CNTNAP5: variants seen among roughly 807,000 people sequenced by gnomAD.
The protein encoded by CNTNAP5 is contactin-associated protein-like 5.
CNTNAP5 carries 72 observed loss-of-function variants against 150.2 expected under a neutral mutation model. The observed-to-expected ratio is 0.48, with a 90% CI of 0.40 to 0.58. The LOEUF is 0.58. Ranked by LOEUF, CNTNAP5 falls within the 20% of genes least tolerant of loss-of-function variation. The probability of loss-of-function intolerance (pLI) is 0.00; values close to 1 mark genes in which losing one functional copy is unlikely to be tolerated. For synonymous variants in CNTNAP5, 672 were observed against 619.8 expected (o/e 1.08, Z -1.25); for missense variants, 1,636 against 1,626.2 (o/e 1.01, Z -0.10).
rs1448342066 is a variant in CNTNAP5, at chr2:124,242,290, C to T, written c.278C>T (p.Thr93Met). 18 of 1,611,916 alleles carry T rather than the reference C, an allele frequency of 1.1e-5. No individual in the cohort carries two copies. Among genetic ancestry groups the T allele is most frequent in the Admixed American group, 1.7e-5 (1 of 59,698 alleles). The change falls in exon 3 of 24, where the codon ACG becomes ATG. Residue 93 changes from threonine to methionine, a missense_variant. By Grantham distance (81) the Thr-to-Met change is moderately conservative. Transcript: ENST00000682447. The part of the protein sequence containing the change: ...GNRVEITAVA[T>M]QGRYGSSDWV... ...AGAGTAGAGATTACAGCAGTGGCCA[C>T]GCAGGGAAGATACGGAAGCTCTGAC...
At chr2:124,360,199 C>T (rs1690156666) in intron 3 of CNTNAP5, among the ~76,000 whole-genome samples, 1 of 126,156 alleles carries the variant, frequency 7.9e-6, no homozygotes, top group African/African-American at 2.8e-5. Flanking sequence ...CTATGTGTGT[C>T]TCTGTACGTG....
At chr2:124,098,741 A>C (rs1682997186) in intron 1 of CNTNAP5, among the ~76,000 whole-genome samples, 1 of 152,080 alleles carries the variant, frequency 6.6e-6, no homozygotes, top group Non-Finnish European at 1.5e-5. Flanking sequence ...ACAAACAAAC[A>C]AACAAACAAC....
intron 19 of CNTNAP5, among the ~76,000 whole-genome samples, chr2:124,815,455 A>G (rs1253782469): frequency 1.1e-4 from 17 of 152,198 alleles, no homozygotes; most frequent in Admixed American, 1.1e-3. Flanking sequence ...AGGCAGAGGC[A>G]ATAAATCAAG....
intron 13 of CNTNAP5, among the ~76,000 whole-genome samples, chr2:124,676,173 G>A (rs991528454): frequency 1.3e-5 from 2 of 152,134 alleles, no homozygotes; most frequent in South Asian, 4.1e-4. Flanking sequence ...AGTCTTTCAG[G>A]CTTTGCTGAG....
intron 1 of CNTNAP5, among the ~76,000 whole-genome samples, chr2:124,097,698 G>T (rs1310077023): frequency 6.6e-6 from 1 of 152,120 alleles, no homozygotes; most frequent in Non-Finnish European, 1.5e-5. Flanking sequence ...GCAGGGTTTG[G>T]GGGACTGCCC....
intron 1 of CNTNAP5, among the ~76,000 whole-genome samples, chr2:124,030,027 T>C (rs1405404506): frequency 6.6e-6 from 1 of 152,152 alleles, no homozygotes; most frequent in Non-Finnish European, 1.5e-5. Flanking sequence ...GGTTTCTTCA[T>C]TCATCAAAAC....
intron 10 of CNTNAP5, among the ~76,000 whole-genome samples, chr2:124,540,666 TA>T (rs1695358854): frequency 6.8e-6 from 1 of 146,024 alleles, no homozygotes; most frequent in South Asian, 2.2e-4. Flanking sequence ...TGCTTTTTTT[TA>T]GTATTATGAA....
intron 1 of CNTNAP5, among the ~76,000 whole-genome samples, chr2:124,127,130 G>T (rs892783939): frequency 6.6e-6 from 1 of 152,142 alleles, no homozygotes; most frequent in African/African-American, 2.4e-5. Flanking sequence ...GTCCCTGTTT[G>T]CAGATGACAT....
chr2:124,549,769 A>G (rs1300754765), intron 10 of CNTNAP5, among the ~76,000 whole-genome samples: 2 of 152,236 alleles, frequency 1.3e-5, no homozygotes, highest in Non-Finnish European at 2.9e-5. Context: ...TAAAAAAGTA[A>G]AAGCCAGATA....
At chr2:124,186,309 A>G (rs1437217517) in intron 1 of CNTNAP5, among the ~76,000 whole-genome samples, 1 of 152,252 alleles carries the variant, frequency 6.6e-6, no homozygotes, top group Non-Finnish European at 1.5e-5. Context: ...ATTACTGTAA[A>G]TATGCTTATC....
intron 7 of CNTNAP5, among the ~76,000 whole-genome samples, chr2:124,475,947 C>A (rs1693629759): frequency 1.3e-5 from 2 of 151,708 alleles, no homozygotes; most frequent in Admixed American, 1.3e-4. Context: ...TTTAAAAATT[C>A]TCTATTTTCT....
At chr2:124,475,593 T>G (rs1446013575) in intron 7 of CNTNAP5, among the ~76,000 whole-genome samples, 1 of 152,236 alleles carries the variant, frequency 6.6e-6, no homozygotes, top group Non-Finnish European at 1.5e-5. Flanking sequence ...ACATACACAT[T>G]TAGTATGCTA....
chr2:124,390,047 G>A (rs939497447), intron 3 of CNTNAP5, among the ~76,000 whole-genome samples: 1 of 151,930 alleles, frequency 6.6e-6, no homozygotes, highest in African/African-American at 2.4e-5. Flanking sequence ...ATGTTTGTCA[G>A]CTCAGAGTCT....
intron 3 of CNTNAP5, among the ~76,000 whole-genome samples, chr2:124,288,067 C>T (rs1207268952): frequency 1.3e-5 from 2 of 152,116 alleles, no homozygotes; most frequent in Non-Finnish European, 2.9e-5. Flanking sequence ...GTAGCTGGAA[C>T]TACAGGCTTC....
chr2:124,411,609 C>G (rs1281133203), intron 3 of CNTNAP5, among the ~76,000 whole-genome samples: 2 of 124,978 alleles, frequency 1.6e-5, no homozygotes, highest in East Asian at 2.1e-4. Context: ...AGCATATAAA[C>G]AGAGCCAAAG....
At chr2:124,203,794 C>T (rs1205065423) in intron 1 of CNTNAP5, among the ~76,000 whole-genome samples, 1 of 152,178 alleles carries the variant, frequency 6.6e-6, no homozygotes, top group African/African-American at 2.4e-5. Flanking sequence ...AGCAGCAAGG[C>T]CCTGGGCCCA....
Position 124,599,594 on chromosome 2 carries a change from G to A in CNTNAP5, c.1757-10207G>A, listed in dbSNP as rs1455943834. On this transcript the variant is annotated intron_variant, in intron 11 of 23. Transcript: ENST00000682447. ...CTTTACATAACAAATGTGGAAGATG[G>A]GAAGATATCTTTCTTCTTCTGTTCT... Among the ~76,000 whole-genome samples, 8 of 152,252 alleles carry A rather than the reference G, an allele frequency of 5.3e-5. No individual in the cohort carries two copies. The South Asian group carries it at 1.4e-3, about 28-fold the overall frequency.
intron 12 of CNTNAP5, among the ~76,000 whole-genome samples, chr2:124,638,481 G>A (rs757029245): frequency 5.9e-5 from 9 of 151,900 alleles, no homozygotes; most frequent in Non-Finnish European, 1.2e-4. Context: ...CTTTTTTATA[G>A]TTATTTTATC....
chr2:124,164,289 C>T (rs781771414), intron 1 of CNTNAP5, among the ~76,000 whole-genome samples: 1 of 152,138 alleles, frequency 6.6e-6, no homozygotes, highest in Non-Finnish European at 1.5e-5. Context: ...GTACATGGAG[C>T]GGTGCAGTGA....
Sources: allele counts gnomAD v4.1 joint callset (sites outside exome capture counted in the v4.1 genomes callset), GRCh38; gene constraint gnomAD v4.1.1; transcripts MANE v1.5; gene names NCBI Gene and HGNC (gene_info 2026-07-23, HGNC 2026-07-21).